Variants in ARMH1 observed in about 807,000 individuals in gnomAD.
The protein encoded by ARMH1 is armadillo like helical domain containing 1, also known as armadillo-like helical domain containing protein 1.
Under a neutral mutation model 50.2 loss-of-function variants are expected in ARMH1, and 34 were observed. That is an observed-to-expected ratio of 0.68 (90% CI 0.51 to 0.90). The LOEUF is 0.90. Ranked by LOEUF, ARMH1 falls within the 40% of genes least tolerant of loss-of-function variation. The probability of loss-of-function intolerance (pLI) is 0.00; values close to 1 mark genes in which losing one functional copy is unlikely to be tolerated. For missense variants in ARMH1, 538 were observed against 553.9 expected (o/e 0.97, Z 0.29); for synonymous variants, 221 against 224.2 (o/e 0.99, Z 0.13).
At chr1:44,711,209 C>G (rs1186235665) in intron 6 of ARMH1, among the ~76,000 whole-genome samples, 1 of 152,160 alleles carries the variant, frequency 6.6e-6, no homozygotes, top group Non-Finnish European at 1.5e-5. Context: ...GGTATATTAC[C>G]TAGGAGTGGA....
At chr1:44,711,607 A>C (rs190124681) in intron 6 of ARMH1, among the ~76,000 whole-genome samples, 73 of 151,980 alleles carry the variant, frequency 4.8e-4, no homozygotes, top group Non-Finnish European at 4.0e-4. Context: ...GGTTCTTTTC[A>C]CCTTCTTGAT....
chr1:44,680,590 C>T (rs985833117), intron 1 of ARMH1, among the ~76,000 whole-genome samples: 6 of 152,064 alleles, frequency 3.9e-5, no homozygotes, highest in East Asian at 1.9e-4. Flanking sequence ...TAGAAGCTTA[C>T]GGAAAAAGTA....
At chr1:44,689,078 T>C (rs989387111) in intron 1 of ARMH1, 7 of 152,248 alleles carry the variant, frequency 4.6e-5, no homozygotes, top group African/African-American at 1.7e-4. Context: ...ATTTTTGTGT[T>C]TTTTTAACAC....
chr1:44,699,076 A>C (rs1324888386), intron 4 of ARMH1, among the ~76,000 whole-genome samples: 1 of 151,924 alleles, frequency 6.6e-6, no homozygotes, highest in Non-Finnish European at 1.5e-5. Context: ...AGGTCAGGAG[A>C]TCAAGACCAT....
chr1:44,698,111 C>T lies in ARMH1; in HGVS notation c.324C>T (p.Leu108=), dbSNP rs1557532025. Residue 108 remains leucine (L), a synonymous_variant, in exon 4 of 12, where the codon CTC becomes CTT. Transcript: ENST00000535358. ...TTGAGGTTGGAGGTGTCCTAACCCT[C>T]TTGGAAATACTTGGGCTAGAGAAGA... ...EFLEVGGVLT[L]LEILGLEKIK... is the part of the protein sequence containing the mutation. 6.4e-6 allele frequency: 10 copies of T among 1,552,264 alleles called. No individual in the cohort carries two copies. In the East Asian group the frequency reaches 1.2e-4, roughly 19 times the overall value.
At chr1:44,703,839 G>T (rs1387395960) in intron 5 of ARMH1, among the ~76,000 whole-genome samples, 1 of 150,680 alleles carries the variant, frequency 6.6e-6, no homozygotes, top group Non-Finnish European at 1.5e-5. Context: ...CCATTCTCCT[G>T]CCTCAGCCTC....
intron 6 of ARMH1, among the ~76,000 whole-genome samples, chr1:44,716,016 A>T (rs894490686): frequency 3.9e-5 from 6 of 152,108 alleles, no homozygotes; most frequent in African/African-American, 1.4e-4. Context: ...CCTCCTGATG[A>T]TACCTCCTCC....
At chr1:44,707,985 GTAT>G (rs1284862777) in intron 6 of ARMH1, among the ~76,000 whole-genome samples, 1 of 152,176 alleles carries the variant, frequency 6.6e-6, no homozygotes, top group Non-Finnish European at 1.5e-5. Flanking sequence ...TTGAATGAAT[GTAT>G]TATTATTTTT....
chr1:44,698,007 C>T, intron 3 of ARMH1, 56 bp from the exon 4 acceptor site: 1 of 1,397,970 alleles, frequency 7.2e-7, no homozygotes, highest in Non-Finnish European at 9.6e-7. Flanking sequence ...TTTGAAAGCT[C>T]AGTGCAAAGG....
intron 6 of ARMH1, among the ~76,000 whole-genome samples, chr1:44,712,658 CTTCTTTT>C (rs1403738622): frequency 1.3e-5 from 2 of 148,548 alleles, no homozygotes; most frequent in Non-Finnish European, 3.0e-5. Flanking sequence ...ATCAGGATTT[CTTCTTTT>C]TTCTTTTTTT....
At chr1:44,689,652 T>G (rs1291728475) in intron 1 of ARMH1, 24 bp from the exon 2 acceptor site, 1 of 1,508,132 alleles carries the variant, frequency 6.6e-7, no homozygotes, top group Non-Finnish European at 9.0e-7. Context: ...TCCGGTAACC[T>G]GTCTCTTTTC....
chr1:44,700,531 G>A (rs568301047), intron 4 of ARMH1, among the ~76,000 whole-genome samples: 9 of 149,812 alleles, frequency 6.0e-5, no homozygotes, highest in South Asian at 4.2e-4. Flanking sequence ...CAAGAGAATC[G>A]CTTGAACCTG....
rs1645389184 is a variant in ARMH1 at position 44,683,986 on chromosome 1, C to T, written c.-22-5690C>T. Among the ~76,000 whole-genome samples, 1 of 151,890 alleles carries T rather than the reference C, an allele frequency of 6.6e-6. No homozygotes were observed. Among genetic ancestry groups the T allele is most frequent in the Non-Finnish European group, 1.5e-5 (1 of 68,012 alleles). Reference sequence around the variant, plus strand: ...TAGGCAACACAGAGAGACCCCATCTCTATAAACAAAAACAACCACAGAGAG... The same window carrying T: ...TAGGCAACACAGAGAGACCCCATCTTTATAAACAAAAACAACCACAGAGAG... On this transcript the variant is annotated intron_variant, in intron 1 of 11. Coordinates refer to ENST00000535358, the MANE Select transcript of ARMH1 (RefSeq NM_001145636.2). The surrounding 1 kb of genome is among the most constrained non-coding windows in gnomAD (Gnocchi z 4.2).
intron 1 of ARMH1, among the ~76,000 whole-genome samples, chr1:44,687,975 A>T (rs1460000071): frequency 1.3e-5 from 2 of 152,188 alleles, no homozygotes; most frequent in African/African-American, 2.4e-5. Flanking sequence ...AGGCAGGGCA[A>T]GGGCACACGG....
In ARMH1 at chr1:44,725,487, G is replaced by A. The variant is rs1648161167; in HGVS notation, c.*84G>A. ...GAAGGCGCCTGGGGTCAAGCTCAGA[G>A]CCACTCCACTTGGCTCCAGGGGGGA... On this transcript the variant is annotated 3_prime_UTR_variant, in exon 12 of 12. Transcript: ENST00000535358. The A allele has an allele frequency of 2.7e-5, 37 of 1,372,902 alleles. No homozygotes were observed. The highest frequency in any genetic ancestry group is 3.7e-5 in the Non-Finnish European group (37 of 989,170). The allele number at this position is 1,372,902 out of a possible 1,614,324, so 85.0% of individuals were successfully genotyped here.
In ARMH1 at chr1:44,700,661, G is replaced by T. The variant is rs535389046; in HGVS notation, c.443-262G>T. On this transcript the variant is annotated intron_variant, in intron 4 of 11. Coordinates refer to ENST00000535358, the MANE Select transcript of ARMH1 (RefSeq NM_001145636.2). ...AGTTATCATATAGCAATAAAAAAATGCATGTTTTATTTGTAAATTGTGCAG... is the reference window on the plus strand; with the variant it reads ...AGTTATCATATAGCAATAAAAAAATTCATGTTTTATTTGTAAATTGTGCAG... Among the ~76,000 whole-genome samples the T allele has an allele frequency of 2.5e-3, 371 of 150,368 alleles. 2 individuals carry two copies. Among genetic ancestry groups the T allele is most frequent in the African/African-American group, 8.8e-3 (360 of 40,966 alleles).
intron 6 of ARMH1, among the ~76,000 whole-genome samples, chr1:44,717,648 T>G (rs1484319284): frequency 6.6e-6 from 1 of 152,206 alleles, no homozygotes; most frequent in East Asian, 1.9e-4. Context: ...TTAGTCCTCT[T>G]CATAGCCCTA....
intron 1 of ARMH1, among the ~76,000 whole-genome samples, chr1:44,687,695 T>C (rs1645519358): frequency 6.6e-6 from 1 of 152,182 alleles, no homozygotes; most frequent in Non-Finnish European, 1.5e-5. Flanking sequence ...GTATTCATCT[T>C]TGCATCTCCC....
At chr1:44,676,395 C>T (rs987127149) in intron 1 of ARMH1, among the ~76,000 whole-genome samples, 3 of 152,122 alleles carry the variant, frequency 2.0e-5, no homozygotes, top group African/African-American at 7.2e-5. Context: ...AGATGCCAGC[C>T]ACACCAATAG....
Sources: gnomAD v4.1 joint callset for allele counts (sites outside exome capture counted in the v4.1 genomes callset) on GRCh38, gnomAD v4.1.1 for gene constraint, Gnocchi (gnomAD v3.1) non-coding constraint, MANE v1.5 for transcripts, NCBI Gene and HGNC (gene_info 2026-07-23, HGNC 2026-07-21) for gene names.